Variants in SCHIP1 observed in about 807,000 individuals in gnomAD.
SCHIP1 encodes the protein schwannomin interacting protein 1.
A neutral mutation model predicts 29.7 loss-of-function variants in SCHIP1; 8 were observed. The ratio of observed to expected loss-of-function variants is 0.27; its 90% CI spans 0.16 to 0.49. The LOEUF (loss-of-function observed/expected upper bound fraction) is 0.49, where lower values mean the gene tolerates loss of function less well. Ranked by LOEUF, SCHIP1 falls within the 20% of genes least tolerant of loss-of-function variation. The probability of loss-of-function intolerance (pLI) is 0.99; values close to 1 mark genes in which losing one functional copy is unlikely to be tolerated. For missense variants in SCHIP1, 193 were observed against 294.6 expected, an observed-to-expected ratio of 0.66 and a Z score of 2.52; for synonymous variants, 76 against 94.9, an observed-to-expected ratio of 0.80 and a Z score of 1.16.
chr3:159,510,998 C>T, the SCHIP1 span, among the ~76,000 whole-genome samples: 73 of 152,342 alleles, frequency 4.8e-4, no homozygotes, highest in African/African-American at 1.7e-3. Context: ...TCAAAGCTGT[C>T]AAACAGGGAC....
At chr3:159,327,354 A>G in the SCHIP1 span, among the ~76,000 whole-genome samples, 1 of 152,136 alleles carries the variant, frequency 6.6e-6, no homozygotes. Flanking sequence ...CAGTGTCTAG[A>G]ATGTTCCAAG....
the SCHIP1 span, chr3:159,764,053 C>G: frequency 5.8e-6 from 1 of 171,368 alleles, no homozygotes; most frequent in African/African-American, 2.4e-5. The surrounding 1 kb of genome is among the most constrained non-coding windows in gnomAD (Gnocchi z 6.1). Context: ...GTTCCCGCCC[C>G]CAGGGAATTA....
the SCHIP1 span, among the ~76,000 whole-genome samples, chr3:159,320,236 G>A: frequency 1.3e-5 from 2 of 152,074 alleles, no homozygotes; most frequent in African/African-American, 4.8e-5. Flanking sequence ...AATTATAACT[G>A]ATAGAGACTG....
chr3:159,776,770 T>G, the SCHIP1 span, among the ~76,000 whole-genome samples: 1 of 152,188 alleles, frequency 6.6e-6, no homozygotes, highest in African/African-American at 2.4e-5. Flanking sequence ...CTAAAACCTC[T>G]ATAGAGTTCC....
the SCHIP1 span, among the ~76,000 whole-genome samples, chr3:159,510,430 G>A: frequency 1.3e-3 from 199 of 152,180 alleles, 1 homozygote; most frequent in South Asian, 2.5e-3. Context: ...CCTTTAGCTC[G>A]GGGAAGTTTG....
chr3:159,725,259 C>A, the SCHIP1 span, among the ~76,000 whole-genome samples: 1 of 148,006 alleles, frequency 6.8e-6, no homozygotes, highest in African/African-American at 2.5e-5. Flanking sequence ...TCCACTTTTT[C>A]TTTTCTTTTT....
the SCHIP1 span, among the ~76,000 whole-genome samples, chr3:159,285,967 T>C: frequency 3.2e-4 from 48 of 152,322 alleles, no homozygotes; most frequent in African/African-American, 1.1e-3. Context: ...TTAAAACTTA[T>C]CTTTCAAGAA....
the SCHIP1 span, among the ~76,000 whole-genome samples, chr3:159,464,198 T>C: frequency 6.6e-6 from 1 of 152,178 alleles, no homozygotes; most frequent in East Asian, 1.9e-4. Context: ...TATATTCTTT[T>C]GTGGCCTCGT....
At chr3:159,777,407 T>TTTC in the SCHIP1 span, among the ~76,000 whole-genome samples, 1 of 152,140 alleles carries the variant, frequency 6.6e-6, no homozygotes, top group Non-Finnish European at 1.5e-5. Context: ...TAGCTTTTTT[T>TTTC]TTCTCCTTTC....
At chr3:159,797,944 A>C in the SCHIP1 span, among the ~76,000 whole-genome samples, 1 of 152,204 alleles carries the variant, frequency 6.6e-6, no homozygotes, top group African/African-American at 2.4e-5. Flanking sequence ...CTTTCTTTGC[A>C]AAGGTTAAAG....
At chr3:159,564,026 C>T in the SCHIP1 span, among the ~76,000 whole-genome samples, 1 of 152,148 alleles carries the variant, frequency 6.6e-6, no homozygotes, top group Non-Finnish European at 1.5e-5. Flanking sequence ...TTTTTATCTC[C>T]TTTATGCCAC....
the SCHIP1 span, among the ~76,000 whole-genome samples, chr3:159,626,226 A>C: frequency 1.2e-4 from 14 of 114,052 alleles, 1 homozygote; most frequent in African/African-American, 6.6e-4. Context: ...AGATATATAT[A>C]TATCTAGATA....
At chr3:159,560,223 C>T in the SCHIP1 span, among the ~76,000 whole-genome samples, 18,165 of 152,110 alleles carry the variant, frequency 0.12, 1,256 homozygotes, top group African/African-American at 0.18. Flanking sequence ...AATGTAAATA[C>T]GATAACTACA....
the SCHIP1 span, among the ~76,000 whole-genome samples, chr3:159,672,304 T>C: frequency 6.6e-6 from 1 of 152,252 alleles, no homozygotes; most frequent in South Asian, 2.1e-4. Context: ...ATGTTAGCTC[T>C]TATTACTACA....
chr3:159,657,911 T>C, the SCHIP1 span, among the ~76,000 whole-genome samples: 30 of 152,342 alleles, frequency 2.0e-4, no homozygotes, highest in East Asian at 5.2e-3. Flanking sequence ...CTTATAGCTA[T>C]GAAGCTTCCA....
the SCHIP1 span, among the ~76,000 whole-genome samples, chr3:159,830,455 T>G: frequency 6.6e-6 from 1 of 152,230 alleles, no homozygotes; most frequent in Non-Finnish European, 1.5e-5. Flanking sequence ...AGGAAACTAT[T>G]TTTTTCATAT....
chr3:159,502,327 T>C, the SCHIP1 span, among the ~76,000 whole-genome samples: 67,549 of 151,868 alleles, frequency 0.44, 15,872 homozygotes, highest in East Asian at 0.68. Context: ...GGCCACTGAA[T>C]GGGTGTCTGG....
the SCHIP1 span, among the ~76,000 whole-genome samples, chr3:159,639,410 CT>C: frequency 2.6e-5 from 4 of 151,900 alleles, no homozygotes; most frequent in Non-Finnish European, 4.4e-5. Context: ...ATTTTATTTC[CT>C]TTTTTTGGTT....
At chr3:159,884,603 A>G (rs1335281847) in intron 2 of SCHIP1, among the ~76,000 whole-genome samples, 2 of 152,088 alleles carry the variant, frequency 1.3e-5, no homozygotes, top group Non-Finnish European at 2.9e-5. Flanking sequence ...ACTTTCAGTA[A>G]ATAGAGAATG....
Sources: allele counts gnomAD v4.1 joint callset (sites outside exome capture counted in the v4.1 genomes callset), GRCh38; gene constraint gnomAD v4.1.1; non-coding constraint Gnocchi (gnomAD v3.1); transcripts MANE v1.5; gene names NCBI Gene and HGNC (gene_info 2026-07-23, HGNC 2026-07-21).